The following GFRA2 variants were observed in gnomAD, a reference collection of about 807,000 sequenced individuals.
GFRA2 encodes GDNF family receptor alpha-2.
In GFRA2, 17 loss-of-function variants were observed where a neutral mutation model predicts 48.3. That is an observed-to-expected ratio of 0.35 (90% CI 0.24 to 0.53). The LOEUF is 0.53. GFRA2 is among the 20% of genes least tolerant of loss of function. The pLI is 0.93. For missense variants in GFRA2, 660 were observed against 637.3 expected (o/e 1.04, Z -0.38); for synonymous variants, 305 against 257.2 (o/e 1.19, Z -1.78).
At chr8:21,694,204 A>G (rs1802043137) in intron 8 of GFRA2, among the ~76,000 whole-genome samples, 1 of 151,252 alleles carries the variant, frequency 6.6e-6, no homozygotes, top group African/African-American at 2.4e-5. Context: ...CTGTCTTAAG[A>G]GAGTAAGGAA....
chr8:21,744,511 A>G (rs1389454458), intron 4 of GFRA2, among the ~76,000 whole-genome samples: 1 of 148,148 alleles, frequency 6.8e-6, no homozygotes, highest in Non-Finnish European at 1.5e-5. Context: ...AGTTTAGAGA[A>G]CAACAGAATC....
At chr8:21,759,201 C>G (rs867706052) in intron 3 of GFRA2, among the ~76,000 whole-genome samples, 5 of 151,964 alleles carry the variant, frequency 3.3e-5, no homozygotes, top group Middle Eastern at 6.8e-3. Flanking sequence ...GCCTGGCCAA[C>G]ATGGCAAAAC....
At position 21,693,131 on chromosome 8, in the gene GFRA2, C is replaced by T. The variant is rs927696599; in HGVS notation, c.*147G>A. 8.7e-6 allele frequency: 6 copies of T among 687,798 alleles called. No individual in the cohort carries two copies. The highest frequency in any genetic ancestry group is 3.3e-5 in the South Asian group (1 of 30,416). The allele number at this position is 687,798 out of a possible 1,614,324, so 42.6% of individuals were successfully genotyped here. A position where few individuals can be genotyped will look rare whatever the true frequency, so the allele number is the denominator to read the frequency against. ...TACAAAAACTTCTCCAGAGAAGAAA[C>T]CTGGGAGGAGACAGGTTCAGCGACA... On this transcript the variant is annotated 3_prime_UTR_variant, in exon 9 of 9. Coordinates refer to ENST00000524240, the MANE Select transcript of GFRA2 (RefSeq NM_001495.5).
At chr8:21,785,263 C>G (rs1258362811) in intron 1 of GFRA2, among the ~76,000 whole-genome samples, 1 of 152,304 alleles carries the variant, frequency 6.6e-6, no homozygotes, top group East Asian at 1.9e-4. Flanking sequence ...TAGGGAGGCT[C>G]CCGTGCCAGA....
intron 2 of GFRA2, among the ~76,000 whole-genome samples, chr8:21,794,668 G>A (rs1412614179): frequency 2.6e-5 from 4 of 152,146 alleles, no homozygotes. Context: ...GCCCAGCTTG[G>A]TGCCCAGCTA....
intron 6 of GFRA2, among the ~76,000 whole-genome samples, chr8:21,703,953 G>A (rs1412504342): frequency 1.3e-5 from 2 of 152,238 alleles, no homozygotes; most frequent in Non-Finnish European, 2.9e-5. Context: ...TCACACCCTT[G>A]CTGACATTCC....
chr8:21,715,009 CCT>C (rs1803262701), intron 4 of GFRA2, among the ~76,000 whole-genome samples: 1 of 152,204 alleles, frequency 6.6e-6, no homozygotes, highest in Non-Finnish European at 1.5e-5. Flanking sequence ...GCAGTGCAGG[CCT>C]TGGTTAAGTG....
Position 21,692,929 on chromosome 8 carries a change from T to C in GFRA2, c.*349A>G. 6.1e-6 allele frequency: 1 copy of C among 164,786 alleles called. No individual in the cohort carries two copies. The highest frequency in any genetic ancestry group is 6.4e-5 in the Admixed American group (1 of 15,726). 10.2% of individuals were successfully genotyped at this position (164,786 alleles called of 1,614,324 possible). A position where few individuals can be genotyped will look rare whatever the true frequency, so the allele number is the denominator to read the frequency against. On this transcript the variant is annotated 3_prime_UTR_variant, in exon 9 of 9. Coordinates refer to ENST00000524240, the MANE Select transcript of GFRA2 (RefSeq NM_001495.5). Reference sequence around the variant, plus strand: ...AGCCAGCCTCAGGCACAGCCCAGAGTCCCTTCCGCTGCAGGCTCTTGTCCG... The same window carrying C: ...AGCCAGCCTCAGGCACAGCCCAGAGCCCCTTCCGCTGCAGGCTCTTGTCCG...
At chr8:21,734,197 A>G (rs1400213481) in intron 4 of GFRA2, among the ~76,000 whole-genome samples, 2 of 152,218 alleles carry the variant, frequency 1.3e-5, no homozygotes, top group South Asian at 2.1e-4. Context: ...CAGCTGGAAG[A>G]AAAGGGAAGG....
upstream of GFRA2, among the ~76,000 whole-genome samples, chr8:21,791,243 G>A (rs1807568410): frequency 6.6e-6 from 1 of 152,104 alleles, no homozygotes; most frequent in Non-Finnish European, 1.5e-5. Flanking sequence ...GAAGCCCTGG[G>A]GATGGTTCTC....
intron 1 of GFRA2, among the ~76,000 whole-genome samples, chr8:21,786,159 T>C (rs914278546): frequency 3.9e-5 from 6 of 152,122 alleles, no homozygotes; most frequent in Admixed American, 2.0e-4. Context: ...GCCTCCAGGG[T>C]TGCAGACATT....
chr8:21,724,234 G>C (rs548958717), intron 4 of GFRA2, among the ~76,000 whole-genome samples: 39 of 152,078 alleles, frequency 2.6e-4, no homozygotes, highest in Non-Finnish European at 5.0e-4. Flanking sequence ...TTGTGTGGGG[G>C]GCCTGGTGTT....
intron 3 of GFRA2, among the ~76,000 whole-genome samples, chr8:21,773,694 A>G (rs1806550021): frequency 2.0e-5 from 3 of 151,846 alleles, no homozygotes; most frequent in South Asian, 2.1e-4. Flanking sequence ...ACAATAATGG[A>G]AAAAAAAAGA....
At chr8:21,707,133 T>C (rs187311480) in intron 4 of GFRA2, among the ~76,000 whole-genome samples, 174 of 152,314 alleles carry the variant, frequency 1.1e-3, no homozygotes, top group Non-Finnish European at 1.6e-3. Flanking sequence ...TTCCCAATGA[T>C]GGGAACTCAG....
chr8:21,714,978 G>A (rs1803261925), intron 4 of GFRA2, among the ~76,000 whole-genome samples: 1 of 152,232 alleles, frequency 6.6e-6, no homozygotes, highest in South Asian at 2.1e-4. Flanking sequence ...CCTCTGGAAT[G>A]GCTTTCTAAC....
At chr8:21,786,262 C>G (rs887132135) in intron 1 of GFRA2, among the ~76,000 whole-genome samples, 5 of 152,234 alleles carry the variant, frequency 3.3e-5, no homozygotes, top group Non-Finnish European at 5.9e-5. Context: ...GAAAGGTGGA[C>G]TCCTTAGCCT....
chr8:21,787,826 A>T (rs1807357651), intron 1 of GFRA2, among the ~76,000 whole-genome samples: 3 of 152,236 alleles, frequency 2.0e-5, no homozygotes, highest in Non-Finnish European at 1.5e-5. Flanking sequence ...GATGCGCGCT[A>T]TACTGGCGTG....
rs976891433 is a variant in GFRA2, at chr8:21,786,847, G to C, written c.40+1273C>G. On this transcript the variant is annotated intron_variant, in intron 1 of 8. Transcript: ENST00000524240. Reference sequence around the variant, plus strand: ...GTAACCAGCTCCTACCTCCCCACTCGTGGCCTTCCCAGATCCCCTACTGCA... The same window carrying C: ...GTAACCAGCTCCTACCTCCCCACTCCTGGCCTTCCCAGATCCCCTACTGCA... Among the ~76,000 whole-genome samples the C allele has an allele frequency of 5.3e-5, 8 of 152,122 alleles. No homozygotes were observed. In the South Asian group the frequency reaches 8.3e-4, roughly 16 times the overall value.
chr8:21,706,845 C>T (rs1802774174), intron 4 of GFRA2, among the ~76,000 whole-genome samples: 1 of 152,340 alleles, frequency 6.6e-6, no homozygotes, highest in South Asian at 2.1e-4. Flanking sequence ...CCCTCAGCTC[C>T]AGACCTAGAC....
Sources: allele counts gnomAD v4.1 joint callset (sites outside exome capture counted in the v4.1 genomes callset), GRCh38; gene constraint gnomAD v4.1.1; transcripts MANE v1.5; gene names NCBI Gene and HGNC (gene_info 2026-07-23, HGNC 2026-07-21).